KCNQ3: variants seen among roughly 807,000 people sequenced by gnomAD.
KCNQ3 encodes potassium voltage-gated channel subfamily Q member 3.
A neutral mutation model predicts 92.5 loss-of-function variants in KCNQ3; 30 were observed. That is an observed-to-expected ratio of 0.32 (90% CI 0.24 to 0.44). The LOEUF is 0.44. Among genes scored for constraint, KCNQ3 ranks in the 20% least tolerant of loss-of-function variants. KCNQ3 has a pLI of 1.00. For missense variants in KCNQ3, 913 were observed against 1,140.3 expected (o/e 0.80, Z 2.87); for synonymous variants, 450 against 468.8 (o/e 0.96, Z 0.52).
At chr8:132,271,331 C>T (rs1477606320) in intron 1 of KCNQ3, among the ~76,000 whole-genome samples, 2 of 152,226 alleles carry the variant, frequency 1.3e-5, no homozygotes, top group East Asian at 3.8e-4. Flanking sequence ...GGCTAAATGG[C>T]CATGGGCCAA....
chr8:132,180,134 T>A (rs372645105), intron 4 of KCNQ3, 23 bp downstream of exon 4: 15 of 1,613,328 alleles, frequency 9.3e-6, no homozygotes, highest in Non-Finnish European at 1.3e-5. Flanking sequence ...CATGTGGTCC[T>A]GCAGTTTCTC....
intron 1 of KCNQ3, among the ~76,000 whole-genome samples, chr8:132,398,602 T>A (rs1820255172): frequency 6.6e-6 from 1 of 152,188 alleles, no homozygotes; most frequent in African/African-American, 2.4e-5. Flanking sequence ...AAAATGCTAT[T>A]TTAATTTTGC....
intron 1 of KCNQ3, among the ~76,000 whole-genome samples, chr8:132,360,741 C>G (rs2896657): frequency 0.46 from 70,006 of 152,106 alleles, 18,341 homozygotes; most frequent in African/African-American, 0.72. Flanking sequence ...GTTCACGGTC[C>G]ATACCTCCCT....
intron 9 of KCNQ3, among the ~76,000 whole-genome samples, chr8:132,156,417 T>C (rs1389880217): frequency 1.3e-5 from 2 of 152,108 alleles, no homozygotes. Flanking sequence ...CCTCAGTCCC[T>C]ACGGCTATGA....
At chr8:132,302,316 T>C (rs1018947137) in intron 1 of KCNQ3, among the ~76,000 whole-genome samples, 2 of 152,220 alleles carry the variant, frequency 1.3e-5, no homozygotes, top group Admixed American at 6.5e-5. Flanking sequence ...TTCCCTCTTC[T>C]ACTGAAAGAA....
intron 1 of KCNQ3, among the ~76,000 whole-genome samples, chr8:132,372,663 A>C (rs1340364389): frequency 6.6e-6 from 1 of 151,032 alleles, no homozygotes; most frequent in Non-Finnish European, 1.5e-5. Context: ...AGGCTGAGAC[A>C]GGAGAATCGC....
chr8:132,369,279 C>A (rs1819406136), intron 1 of KCNQ3, among the ~76,000 whole-genome samples: 1 of 152,102 alleles, frequency 6.6e-6, no homozygotes, highest in Non-Finnish European at 1.5e-5. Flanking sequence ...TCCTTCTTTA[C>A]ATACTGTACT....
chr8:132,453,708 G>C (rs1821876864), intron 1 of KCNQ3, among the ~76,000 whole-genome samples: 1 of 151,746 alleles, frequency 6.6e-6, no homozygotes, highest in Non-Finnish European at 1.5e-5. Context: ...CACAAACATT[G>C]ACCGACTTAA....
chr8:132,369,573 GCACA>G (rs3049658), intron 1 of KCNQ3, among the ~76,000 whole-genome samples: 7,315 of 148,108 alleles, frequency 0.049, 529 homozygotes, highest in African/African-American at 0.16. Context: ...TGCTCAAACA[GCACA>G]CACACACACA....
At chr8:132,471,365 C>T (rs909911042) in intron 1 of KCNQ3, among the ~76,000 whole-genome samples, 10 of 152,096 alleles carry the variant, frequency 6.6e-5, no homozygotes, top group South Asian at 4.1e-4. Context: ...CATTTGTAAA[C>T]GCGAGCCACT....
intron 1 of KCNQ3, among the ~76,000 whole-genome samples, chr8:132,296,756 A>C (rs965848914): frequency 6.6e-6 from 1 of 152,124 alleles, no homozygotes; most frequent in Non-Finnish European, 1.5e-5. Flanking sequence ...TCCATGGTGT[A>C]TATGTGCCAC....
intron 1 of KCNQ3, among the ~76,000 whole-genome samples, chr8:132,226,067 A>C (rs987704868): frequency 1.1e-4 from 16 of 152,044 alleles, no homozygotes; most frequent in African/African-American, 3.4e-4. Context: ...GTCAGGAGAT[A>C]GAGACCATCC....
At chr8:132,450,913 A>G (rs780742441) in intron 1 of KCNQ3, among the ~76,000 whole-genome samples, 4 of 152,242 alleles carry the variant, frequency 2.6e-5, no homozygotes, top group South Asian at 2.1e-4. Flanking sequence ...TGGGTTGATT[A>G]GAAAGCTCTT....
At chr8:132,208,632 G>C (rs1813748412) in intron 1 of KCNQ3, among the ~76,000 whole-genome samples, 1 of 152,110 alleles carries the variant, frequency 6.6e-6, no homozygotes, top group African/African-American at 2.4e-5. Flanking sequence ...AGGAATATCA[G>C]GGTCAGAAAA....
At chr8:132,478,976 G>A (rs1171911587) in intron 1 of KCNQ3, among the ~76,000 whole-genome samples, 1 of 151,902 alleles carries the variant, frequency 6.6e-6, no homozygotes, top group Non-Finnish European at 1.5e-5. Flanking sequence ...GGGGGAGAGA[G>A]GGGGGAGGGG....
At chr8:132,318,196 A>C (rs1010662969) in intron 1 of KCNQ3, among the ~76,000 whole-genome samples, 2 of 152,262 alleles carry the variant, frequency 1.3e-5, no homozygotes, top group Non-Finnish European at 2.9e-5. Flanking sequence ...AGGTCATGAT[A>C]TAAAGTCTCT....
intron 1 of KCNQ3, among the ~76,000 whole-genome samples, chr8:132,417,404 C>T (rs1210210493): frequency 6.6e-6 from 1 of 152,158 alleles, no homozygotes. Flanking sequence ...CTGCTGGTTC[C>T]TCCTATTGTC....
rs530013655 is a variant in KCNQ3, at chr8:132,126,554, T to C, written c.*2708A>G. On this transcript the variant is annotated 3_prime_UTR_variant, in exon 15 of 15. Transcript: ENST00000388996. ...TTTTCTTAAATGGGAAAAAAACAGC[T>C]CTTAAGGTTCTTATTATTTATTCAT... The C allele has an allele frequency of 6.6e-6, 1 of 152,250 alleles. No homozygotes were observed. The highest frequency in any genetic ancestry group is 2.4e-5 in the African/African-American group (1 of 41,534). The allele number at this position is 152,250 out of a possible 1,614,324, so 9.4% of individuals were successfully genotyped here.
chr8:132,125,343 G>A lies in KCNQ3; in HGVS notation c.*3919C>T, dbSNP rs973404651. The A allele has an allele frequency of 5.9e-5, 9 of 152,114 alleles. No individual in the cohort carries two copies. Among genetic ancestry groups the A allele is most frequent in the Non-Finnish European group, 8.8e-5 (6 of 68,034 alleles). 9.4% of individuals were successfully genotyped at this position (152,114 alleles called of 1,614,324 possible). ...AGTTTCCAAGCTAGGAAGCATTTCTGTCTGTATAGAGTTGTTTGCAGGGAT... is the reference window on the plus strand; with the variant it reads ...AGTTTCCAAGCTAGGAAGCATTTCTATCTGTATAGAGTTGTTTGCAGGGAT... On this transcript the variant is annotated 3_prime_UTR_variant, in exon 15 of 15. Transcript: ENST00000388996.
Sources: gnomAD v4.1 joint callset for allele counts (sites outside exome capture counted in the v4.1 genomes callset) on GRCh38, gnomAD v4.1.1 for gene constraint, MANE v1.5 for transcripts, NCBI Gene and HGNC (gene_info 2026-07-23, HGNC 2026-07-21) for gene names.